FBXL13: variants seen among roughly 807,000 people sequenced by gnomAD.
FBXL13 encodes the protein F-box and leucine rich repeat protein 13.
A neutral mutation model predicts 83.6 loss-of-function variants in FBXL13; 67 were observed. The ratio of observed to expected loss-of-function variants is 0.80; its 90% confidence interval spans 0.66 to 0.98. The LOEUF is 0.98. Among genes scored for constraint, FBXL13 ranks in the 50% least tolerant of loss-of-function variants. The probability of loss-of-function intolerance (pLI) is 0.00; values close to 1 mark genes in which losing one functional copy is unlikely to be tolerated. For missense variants in FBXL13, 822 were observed against 866.5 expected (o/e 0.95, Z 0.64); for synonymous variants, 272 against 299.5 (o/e 0.91, Z 0.95).
chr7:102,946,432 T>C (rs1822503495), intron 8 of FBXL13, among the ~76,000 whole-genome samples: 1 of 152,178 alleles, frequency 6.6e-6, no homozygotes, highest in Admixed American at 6.5e-5. Flanking sequence ...TCCTTGTCCA[T>C]GGCTGTCTGG....
intron 2 of FBXL13, 126 bp downstream of exon 2, chr7:103,055,518 G>A (rs1797248204): frequency 2.6e-6 from 1 of 383,544 alleles, no homozygotes; most frequent in South Asian, 2.3e-5. Context: ...AAAAGCCTGT[G>A]GAGGGATTCC....
At chr7:102,863,316 G>A (rs1462001350) in intron 16 of FBXL13, among the ~76,000 whole-genome samples, 1 of 152,090 alleles carries the variant, frequency 6.6e-6, no homozygotes, top group Non-Finnish European at 1.5e-5. Flanking sequence ...CAGGATATTG[G>A]AAAATGCACT....
intron 6 of FBXL13, among the ~76,000 whole-genome samples, chr7:103,006,121 G>A (rs1015972369): frequency 2.0e-5 from 3 of 152,220 alleles, no homozygotes; most frequent in African/African-American, 7.2e-5. Flanking sequence ...TTTACTACTT[G>A]GGGGCGTATA....
At chr7:102,824,962 A>G (rs1178388121) in intron 18 of FBXL13, among the ~76,000 whole-genome samples, 3 of 152,002 alleles carry the variant, frequency 2.0e-5, no homozygotes, top group Non-Finnish European at 2.9e-5. Context: ...GCATTCTTAT[A>G]CTACTTCACA....
chr7:103,027,288 C>A (rs982721308), intron 5 of FBXL13, among the ~76,000 whole-genome samples, 161 bp downstream of exon 6: 4 of 151,950 alleles, frequency 2.6e-5, no homozygotes, highest in African/African-American at 9.7e-5. Context: ...AAGAGCAAAA[C>A]TCTGTCCCAA....
At chr7:102,841,470 A>C (rs1415363228) in intron 17 of FBXL13, among the ~76,000 whole-genome samples, 1 of 152,186 alleles carries the variant, frequency 6.6e-6, no homozygotes, top group Non-Finnish European at 1.5e-5. Context: ...GTTCTTCCCC[A>C]ATGGGAGTGG....
intron 16 of FBXL13, among the ~76,000 whole-genome samples, chr7:102,869,599 C>CAT (rs1808251372): frequency 6.6e-6 from 1 of 152,078 alleles, no homozygotes; most frequent in Non-Finnish European, 1.5e-5. Context: ...CAAATAGTTT[C>CAT]ATATTTCTGG....
At chr7:102,948,689 T>C (rs1347283964) in intron 8 of FBXL13, among the ~76,000 whole-genome samples, 1 of 151,730 alleles carries the variant, frequency 6.6e-6, no homozygotes, top group Admixed American at 6.6e-5. Flanking sequence ...CCCAAAGTGC[T>C]GGGATTACAG....
chr7:102,832,978 CA>C lies in FBXL13; in HGVS notation c.1720-5del. On this transcript the variant is annotated splice_polypyrimidine_tract_variant and splice_region_variant and intron_variant, in intron 17 of 19. Transcript: ENST00000313221. Reference sequence around the variant, plus strand: ...TCAGTGAGCTTTTGCAGAATGCCTGCAAAAAATTCCAAGGTCAAATTTTTTC... The same window carrying C: ...TCAGTGAGCTTTTGCAGAATGCCTGCAAAAATTCCAAGGTCAAATTTTTTC... The C allele has an allele frequency of 6.2e-7, 1 of 1,613,652 alleles. No homozygotes were observed.
intron 10 of FBXL13, 82 bp downstream of exon 11, chr7:102,926,192 T>C (rs1818097252): frequency 8.7e-7 from 1 of 1,147,814 alleles, no homozygotes; most frequent in Admixed American, 2.1e-5. Flanking sequence ...AAGGGAGCAC[T>C]GCCCTTGCAG....
chr7:102,971,798 G>T (rs1826706311), intron 6 of FBXL13, among the ~76,000 whole-genome samples: 1 of 151,952 alleles, frequency 6.6e-6, no homozygotes, highest in Non-Finnish European at 1.5e-5. Flanking sequence ...AGCCAAGGTG[G>T]GCGGATCACC....
At chr7:103,071,965 C>T (rs1253145593) in intron 1 of FBXL13, among the ~76,000 whole-genome samples, 1 of 151,830 alleles carries the variant, frequency 6.6e-6, no homozygotes, top group Non-Finnish European at 1.5e-5. Flanking sequence ...GGTGGATCAC[C>T]TGAGGTTAGG....
chr7:102,998,042 T>A (rs528265877), intron 6 of FBXL13, among the ~76,000 whole-genome samples: 2 of 152,224 alleles, frequency 1.3e-5, no homozygotes, highest in South Asian at 4.1e-4. Context: ...AGTGTATGAA[T>A]GTTCCCCTTT....
intron 6 of FBXL13, among the ~76,000 whole-genome samples, chr7:102,995,412 C>T (rs1005138815): frequency 3.0e-5 from 4 of 131,846 alleles, no homozygotes; most frequent in Admixed American, 8.8e-5. Flanking sequence ...ACTCGGGAGG[C>T]GGAGCTTGCA....
chr7:102,935,893 G>A (rs1820210729), intron 8 of FBXL13, among the ~76,000 whole-genome samples: 1 of 152,184 alleles, frequency 6.6e-6, no homozygotes, highest in South Asian at 2.1e-4. Flanking sequence ...AGAGAAAGGG[G>A]AAGTTCAGAG....
chr7:103,054,068 T>C (rs1797094686), intron 2 of FBXL13, among the ~76,000 whole-genome samples: 1 of 152,082 alleles, frequency 6.6e-6, no homozygotes, highest in Admixed American at 6.6e-5. Flanking sequence ...AAGTCCTGCC[T>C]GGACCTACCA....
chr7:102,894,032 AAG>A, intron 11 of FBXL13, among the ~76,000 whole-genome samples: 1 of 152,196 alleles, frequency 6.6e-6, no homozygotes, highest in South Asian at 2.1e-4. Context: ...AAAGAAAAGA[AAG>A]AGACAAAGAA....
intron 18 of FBXL13, among the ~76,000 whole-genome samples, chr7:102,825,111 T>G (rs957266930): frequency 3.9e-5 from 6 of 152,238 alleles, no homozygotes; most frequent in Non-Finnish European, 8.8e-5. Flanking sequence ...TGACTGTTCA[T>G]AAATACAGTC....
intron 18 of FBXL13, among the ~76,000 whole-genome samples, chr7:102,826,678 C>T (rs1407412605): frequency 3.7e-5 from 5 of 136,352 alleles, no homozygotes; most frequent in East Asian, 2.2e-4. Context: ...TGAGCTGTGA[C>T]TGCACCACTA....
Sources: gnomAD v4.1 joint callset for allele counts (sites outside exome capture counted in the v4.1 genomes callset) on GRCh38, gnomAD v4.1.1 for gene constraint, MANE v1.5 for transcripts, NCBI Gene and HGNC (gene_info 2026-07-23, HGNC 2026-07-21) for gene names.